The following MACF1 variants were observed in gnomAD, a reference collection of about 807,000 sequenced individuals.
MACF1 encodes microtubule-actin cross-linking factor 1.
A neutral mutation model predicts 854.8 loss-of-function variants in MACF1; 193 were observed. The observed-to-expected ratio is 0.23, with a 90% CI of 0.20 to 0.25. The LOEUF (loss-of-function observed/expected upper bound fraction) is 0.25, where lower values mean the gene tolerates loss of function less well. Ranked by LOEUF, MACF1 falls within the 10% of genes least tolerant of loss-of-function variation. The pLI, the probability that MACF1 is intolerant of heterozygous loss-of-function variation, is 1.00. For missense variants in MACF1, 7,722 were observed against 8,929.1 expected, an observed-to-expected ratio of 0.86 and a Z score of 5.45; for synonymous variants, 3,185 against 3,226.7, an observed-to-expected ratio of 0.99 and a Z score of 0.44.
chr1:39,322,835 T>G, intron 32 of MACF1, 75 bp from the exon 33 acceptor site: 1 of 1,520,136 alleles, frequency 6.6e-7, no homozygotes, highest in Non-Finnish European at 9.1e-7. Flanking sequence ...TGCATGAACA[T>G]TTCCTCTTAT....
At chr1:39,244,944 C>T (rs1301289342) in intron 2 of MACF1, among the ~76,000 whole-genome samples, 1 of 151,928 alleles carries the variant, frequency 6.6e-6, no homozygotes, top group East Asian at 1.9e-4. Flanking sequence ...AACTCCTGAT[C>T]TCAGGTGATC....
chr1:39,232,639 A>C (rs1022019736), intron 2 of MACF1, among the ~76,000 whole-genome samples: 1 of 152,112 alleles, frequency 6.6e-6, no homozygotes, highest in Non-Finnish European at 1.5e-5. Flanking sequence ...GCAAAGAAAC[A>C]TAAGTAGAAA....
At chr1:39,447,671 A>G in intron 81 of MACF1, 21 bp from the exon 82 acceptor site, 1 of 1,613,876 alleles carries the variant, frequency 6.2e-7, no homozygotes, top group Non-Finnish European at 8.5e-7. Context: ...AAGCTAAAAA[A>G]GAGCACTATT....
Position 39,335,905 on chromosome 1 carries a change from C to T in MACF1, c.9317C>T (p.Thr3106Ile), listed in dbSNP as rs907310764. The T allele has an allele frequency of 1.2e-6, 2 of 1,613,946 alleles. No individual in the cohort carries two copies. The highest frequency in any genetic ancestry group is 1.3e-5 in the African/African-American group (1 of 74,868). Reference protein sequence around the residue: ...GAQSEPFPCMTPRPEGLHYQE... With the variant: ...GAQSEPFPCMIPRPEGLHYQE... ...CAGAGTGAACCATTCCCTTGTATGA[C>T]CCCAAGACCTGAAGGATTGCACTAC... is the stretch of plus-strand genomic sequence containing the variant. Residue 3106 changes from threonine (T) to isoleucine (I), a missense_variant, in exon 37 of 101, where the codon ACC (threonine) becomes ATC (isoleucine). By Grantham distance (89) the Thr-to-Ile change is moderately conservative. Around this residue, in one of 15 missense-constraint regions of MACF1, gnomAD observed 854 missense variants for 852.6 expected, o/e 1.00. Coordinates refer to ENST00000564288, the MANE Select transcript of MACF1 (RefSeq NM_001394062.1).
At chr1:39,240,677 T>G (rs1286367566) in intron 2 of MACF1, among the ~76,000 whole-genome samples, 2 of 152,184 alleles carry the variant, frequency 1.3e-5, no homozygotes, top group African/African-American at 4.8e-5. Context: ...TTTGTATTTT[T>G]AGTAGAGAAC....
In MACF1 at chr1:39,360,935, C is replaced by T. The variant is rs746291517; in HGVS notation, c.12387C>T (p.Asn4129=). Reference sequence around the variant, plus strand: ...AGTCTATTGGGGAAGTTGAACAAAACCTGGAAGGGAAGCAGGTGTCATCAC... The same window carrying T: ...AGTCTATTGGGGAAGTTGAACAAAATCTGGAAGGGAAGCAGGTGTCATCAC... ...LLQSIGEVEQ[N]LEGKQVSSLS... is the part of the protein sequence containing the mutation. The change falls in exon 48 of 101, where the codon AAC becomes AAT. Residue 4129 remains asparagine, a synonymous_variant. Transcript: ENST00000564288. 6.2e-7 allele frequency: 1 copy of T among 1,614,016 alleles called. No individual in the cohort carries two copies. The highest frequency in any genetic ancestry group is 8.5e-7 in the Non-Finnish European group (1 of 1,180,008).
chr1:39,269,305 G>A (rs1305891687), intron 6 of MACF1: 2 of 1,289,854 alleles, frequency 1.6e-6, no homozygotes, highest in South Asian at 1.2e-5. Flanking sequence ...GCTTTGCCTA[G>A]GACAGACTAC....
At position 39,291,993 on chromosome 1, in the gene MACF1, T is replaced by C. The variant is rs780644844; in HGVS notation, c.1869T>C (p.Ser623=). The change falls in exon 16 of 101, where the codon AGT becomes AGC. Residue 623 remains serine, a synonymous_variant. Coordinates refer to ENST00000564288, the MANE Select transcript of MACF1 (RefSeq NM_001394062.1). ...AAACACAGCAGCACATCCATACGAG[T>C]GTAGAAGAGCTGGGCTCAAGTGTCA... ...QLETQQHIHT[S]VEELGSSVKE... is the part of the protein sequence containing the mutation. The C allele has an allele frequency of 9.9e-6, 16 of 1,613,798 alleles. No homozygotes were observed. Among genetic ancestry groups the C allele is most frequent in the Non-Finnish European group, 1.1e-5 (13 of 1,179,976 alleles).
intron 15 of MACF1, among the ~76,000 whole-genome samples, chr1:39,289,250 A>G (rs1645716941): frequency 6.6e-6 from 1 of 152,168 alleles, no homozygotes; most frequent in African/African-American, 2.4e-5. Context: ...TTGAGTATAT[A>G]CCCAGCAGTG....
At chr1:39,296,932 A>AT (rs540263626) in intron 20 of MACF1, among the ~76,000 whole-genome samples, 194 of 150,624 alleles carry the variant, frequency 1.3e-3, no homozygotes, top group African/African-American at 4.1e-3. Flanking sequence ...TTTGCCCTAG[A>AT]TTTTTTTTTG....
intron 70 of MACF1, among the ~76,000 whole-genome samples, chr1:39,437,038 C>T (rs1025495075): frequency 6.6e-6 from 1 of 152,066 alleles, no homozygotes; most frequent in African/African-American, 2.4e-5. Flanking sequence ...TCCATTTACA[C>T]AGCTGGTGGA....
chr1:39,172,806 C>T (rs1643969874), intron 2 of MACF1, among the ~76,000 whole-genome samples: 1 of 152,184 alleles, frequency 6.6e-6, no homozygotes, highest in South Asian at 2.1e-4. Flanking sequence ...ATTATAGTAA[C>T]GTTACTGTGT....
rs1047151457 is a variant in MACF1 at position 39,167,118 on chromosome 1, C to T, written c.221-64064C>T. Reference sequence around the variant, plus strand: ...CTGGGATTACAGGCGCCTGCCACCACGCCCAGCTAATTTTTGTATTTTTAG... The same window carrying T: ...CTGGGATTACAGGCGCCTGCCACCATGCCCAGCTAATTTTTGTATTTTTAG... On this transcript the variant is annotated intron_variant, in intron 2 of 93. Coordinates refer to the MACF1 transcript ENST00000361689. 5.3e-5 allele frequency among the ~76,000 whole-genome samples: 8 copies of T among 151,902 alleles called. No individual in the cohort carries two copies. In the East Asian group the frequency reaches 6.0e-4, roughly 11 times the overall value.
In MACF1 at chr1:39,434,632, G is replaced by A; in HGVS notation, c.17784G>A (p.Arg5928=). The change falls in exon 69 of 101, where the codon AGG becomes AGA. Residue 5928 remains arginine, a splice_region_variant and synonymous_variant. Coordinates refer to ENST00000564288, the MANE Select transcript of MACF1 (RefSeq NM_001394062.1). ...TCAGGCAGCAACAAGAGGAAATGAGGGTAAGGAGCATGCCAAGTTTCATTT... is the reference window on the plus strand; with the variant it reads ...TCAGGCAGCAACAAGAGGAAATGAGAGTAAGGAGCATGCCAAGTTTCATTT... ...EQLRQQQEEM[R]QLRESIAEHK... is the part of the protein sequence containing the mutation. 6.2e-7 allele frequency: 1 copy of A among 1,612,796 alleles called. No individual in the cohort carries two copies. The highest frequency in any genetic ancestry group is 8.5e-7 in the Non-Finnish European group (1 of 1,179,338).
upstream of MACF1, among the ~76,000 whole-genome samples, chr1:39,201,955 C>CTT (rs748333630): frequency 1.5e-4 from 8 of 52,360 alleles, no homozygotes; most frequent in African/African-American, 6.9e-4. Flanking sequence ...TGCTCATATT[C>CTT]TTTTTTTTTT....
At chr1:39,187,377 T>A (rs1373675695) in intron 2 of MACF1, among the ~76,000 whole-genome samples, 2 of 152,160 alleles carry the variant, frequency 1.3e-5, no homozygotes, top group Non-Finnish European at 2.9e-5. Context: ...TTTGGAGACA[T>A]CCCCCAGGAG....
At chr1:39,355,830 A>G (rs900239134) in intron 44 of MACF1, among the ~76,000 whole-genome samples, 49 of 152,256 alleles carry the variant, frequency 3.2e-4, no homozygotes, top group African/African-American at 1.1e-3. Context: ...TGGTACGATC[A>G]TAGCTCACTG....
At chr1:39,289,604 G>C (rs762112587) in intron 15 of MACF1, among the ~76,000 whole-genome samples, 2 of 146,854 alleles carry the variant, frequency 1.4e-5, no homozygotes, top group Non-Finnish European at 3.0e-5. Flanking sequence ...TTTTCCAGTA[G>C]AGTTGTTTGA....
At chr1:39,285,845 A>C in intron 14 of MACF1, 87 bp downstream of exon 14, 1 of 1,464,866 alleles carries the variant, frequency 6.8e-7, no homozygotes, top group South Asian at 1.2e-5. Flanking sequence ...CAGGCACTTA[A>C]TCTTTTAACC....
Sources: gnomAD v4.1 joint callset for allele counts (sites outside exome capture counted in the v4.1 genomes callset) on GRCh38, gnomAD v4.1.1 for gene constraint, gnomAD v4.1.1 regional missense constraint, MANE v1.5 for transcripts, NCBI Gene and HGNC (gene_info 2026-07-23, HGNC 2026-07-21) for gene names.